The following SETD3 variants were observed in gnomAD, a reference collection of about 807,000 sequenced individuals.
SETD3 encodes SET domain containing 3, actin N3(tau)-histidine methyltransferase, also known as actin-histidine N-methyltransferase.
A neutral mutation model predicts 63.0 loss-of-function variants in SETD3; 19 were observed. The ratio of observed to expected loss-of-function variants is 0.30; its 90% confidence interval spans 0.21 to 0.44. The LOEUF (loss-of-function observed/expected upper bound fraction) is 0.44. Among genes scored for constraint, SETD3 ranks in the 20% least tolerant of loss-of-function variants. The probability of loss-of-function intolerance (pLI) is 1.00; values close to 1 mark genes in which losing one functional copy is unlikely to be tolerated. For missense variants in SETD3, 587 were observed against 728.5 expected, an observed-to-expected ratio of 0.81 and a Z score of 2.24; for synonymous variants, 286 against 264.1, an observed-to-expected ratio of 1.08 and a Z score of -0.80.
chr14:99,432,543 C>A (rs1044374608), intron 6 of SETD3, among the ~76,000 whole-genome samples: 5 of 152,156 alleles, frequency 3.3e-5, no homozygotes, highest in Admixed American at 1.3e-4. Flanking sequence ...CATAAAGCTC[C>A]CATAATTAAT....
chr14:99,465,618 G>C (rs1438228420), intron 2 of SETD3, 85 bp downstream of exon 2: 1 of 1,065,500 alleles, frequency 9.4e-7, no homozygotes, highest in Non-Finnish European at 1.4e-6. Flanking sequence ...CAGCTTGTCT[G>C]ATGCACGCGT....
chr14:99,424,736 G>A (rs924517411), intron 6 of SETD3, among the ~76,000 whole-genome samples: 4 of 152,038 alleles, frequency 2.6e-5, no homozygotes, highest in African/African-American at 9.7e-5. Context: ...AGGAAAGGAA[G>A]TTCTTGTCAC....
At chr14:99,432,138 G>A (rs572465148) in intron 6 of SETD3, among the ~76,000 whole-genome samples, 1 of 152,192 alleles carries the variant, frequency 6.6e-6, no homozygotes, top group East Asian at 1.9e-4. Context: ...TGGGAGACCT[G>A]ACAAGTAAAA....
chr14:99,428,002 G>A (rs1892976738), intron 6 of SETD3, among the ~76,000 whole-genome samples: 1 of 152,194 alleles, frequency 6.6e-6, no homozygotes. Context: ...GGGAAAGGAG[G>A]GCTTGTTAAG....
chr14:99,415,552 C>T (rs1473084390), intron 6 of SETD3, among the ~76,000 whole-genome samples: 3 of 151,998 alleles, frequency 2.0e-5, no homozygotes, highest in Non-Finnish European at 4.4e-5. Context: ...ATACACATTT[C>T]TTACCCAACA....
At chr14:99,472,549 T>C (rs1399845358) in intron 1 of SETD3, among the ~76,000 whole-genome samples, 1 of 152,208 alleles carries the variant, frequency 6.6e-6, no homozygotes, top group Non-Finnish European at 1.5e-5. Context: ...CTGAACATAC[T>C]TCATGCTCTT....
intron 4 of SETD3, among the ~76,000 whole-genome samples, chr14:99,460,447 C>T (rs1045688704): frequency 6.6e-6 from 1 of 152,126 alleles, no homozygotes; most frequent in African/African-American, 2.4e-5. Flanking sequence ...TGGATCCCCA[C>T]CGCCCTCCCC....
chr14:99,405,090 A>C, intron 10 of SETD3, 115 bp downstream of exon 10: 1 of 1,406,302 alleles, frequency 7.1e-7, no homozygotes, highest in Non-Finnish European at 9.5e-7. Context: ...ACGGGGATAA[A>C]CGGATTAAGA....
chr14:99,458,674 A>C, intron 5 of SETD3, 139 bp from the exon 6 acceptor site: 1 of 1,075,596 alleles, frequency 9.3e-7, no homozygotes, highest in Non-Finnish European at 1.3e-6. Context: ...GCAGTGGCTC[A>C]CACCTGTAAT....
chr14:99,477,530 G>A (rs1896034602), intron 1 of SETD3, among the ~76,000 whole-genome samples: 1 of 151,912 alleles, frequency 6.6e-6, no homozygotes, highest in African/African-American at 2.4e-5. Flanking sequence ...TGAGGTGGGC[G>A]GATCATCTCA....
chr14:99,434,465 C>A lies in SETD3; in HGVS notation c.676-20531G>T, dbSNP rs116026743. Among the ~76,000 whole-genome samples the A allele has an allele frequency of 5.8e-3, 881 of 151,852 alleles. 9 individuals are homozygous for A. Among genetic ancestry groups the A allele is most frequent in the African/African-American group, 0.02 (845 of 41,412 alleles). Reference sequence around the variant, plus strand: ...GAAGAGCGCTTACCCCTGACACGGGCGGGGCACTGACGGGGAAAAGACAGT... The same window carrying A: ...GAAGAGCGCTTACCCCTGACACGGGAGGGGCACTGACGGGGAAAAGACAGT... On this transcript the variant is annotated intron_variant, in intron 6 of 12. Transcript: ENST00000331768.
chr14:99,445,071 G>C (rs992181761), intron 6 of SETD3, among the ~76,000 whole-genome samples: 9 of 152,176 alleles, frequency 5.9e-5, no homozygotes, highest in Non-Finnish European at 1.0e-4. Flanking sequence ...ATTCCAGGTA[G>C]AGGTAATATG....
intron 6 of SETD3, among the ~76,000 whole-genome samples, chr14:99,455,392 AT>A (rs1353972759): frequency 6.6e-6 from 1 of 152,208 alleles, no homozygotes; most frequent in African/African-American, 2.4e-5. Flanking sequence ...TTAGGTTTAC[AT>A]TTTTTCAGTG....
chr14:99,439,485 T>C (rs1893667136), intron 6 of SETD3, among the ~76,000 whole-genome samples: 1 of 152,040 alleles, frequency 6.6e-6, no homozygotes, highest in South Asian at 2.1e-4. Flanking sequence ...GGACCTCATG[T>C]TGATTTTATA....
intron 6 of SETD3, among the ~76,000 whole-genome samples, chr14:99,435,734 AC>A (rs939261334): frequency 8.9e-6 from 1 of 112,220 alleles, no homozygotes; most frequent in African/African-American, 3.7e-5. Flanking sequence ...CAGGTTCCCC[AC>A]CCCCCCACCT....
intron 6 of SETD3, among the ~76,000 whole-genome samples, chr14:99,426,058 C>A (rs921617240): frequency 6.6e-6 from 1 of 152,122 alleles, no homozygotes; most frequent in Admixed American, 6.5e-5. Context: ...CCTCCTCCCC[C>A]AAACATACAC....
At position 99,465,690 on chromosome 14, in the gene SETD3, G is replaced by C; in HGVS notation, c.103+13C>G. On this transcript the variant is annotated intron_variant, in intron 2 of 12. Coordinates refer to ENST00000331768, the MANE Select transcript of SETD3 (RefSeq NM_032233.3). ...ACCACATCAAGGCAGGGAGAGCCCA[G>C]AGGAGGACTTACTCTGCAGCAGCTC... 12 of 1,607,890 alleles carry C rather than the reference G, an allele frequency of 7.5e-6. No individual in the cohort carries two copies. The highest frequency in any genetic ancestry group is 1.0e-5 in the Non-Finnish European group (12 of 1,174,688).
At chr14:99,436,060 C>T (rs115914776) in intron 6 of SETD3, among the ~76,000 whole-genome samples, 2 of 152,140 alleles carry the variant, frequency 1.3e-5, no homozygotes, top group Non-Finnish European at 2.9e-5. Flanking sequence ...AAGTGCCAAA[C>T]AAAGGGGAAA....
Position 99,472,883 on chromosome 14 carries a change from A to G in SETD3, c.-8-7070T>C, listed in dbSNP as rs569878907. Among the ~76,000 whole-genome samples, 7 of 152,372 alleles carry G rather than the reference A, an allele frequency of 4.6e-5. No individual in the cohort carries two copies. In the South Asian group the frequency reaches 1.5e-3, roughly 32 times the overall value. On this transcript the variant is annotated intron_variant, in intron 1 of 12. Transcript: ENST00000331768. ...GACAAAAGAAAATACGAAGAGTAGC[A>G]ATACAAGATTGATACATGAATTATA...
Sources: gnomAD v4.1 joint callset for allele counts (sites outside exome capture counted in the v4.1 genomes callset) on GRCh38, gnomAD v4.1.1 for gene constraint, MANE v1.5 for transcripts, NCBI Gene and HGNC (gene_info 2026-07-23, HGNC 2026-07-21) for gene names.